The following DHX37 variants were observed in gnomAD, a reference collection of about 807,000 sequenced individuals.
The protein encoded by DHX37 is probable ATP-dependent RNA helicase DHX37.
In DHX37, 52 loss-of-function variants were observed where a neutral mutation model predicts 134.3. The ratio of observed to expected loss-of-function variants is 0.39; its 90% confidence interval spans 0.31 to 0.49. The LOEUF (loss-of-function observed/expected upper bound fraction) is 0.49. DHX37 is among the 20% of genes least tolerant of loss of function. DHX37 has a pLI of 0.93. For missense variants in DHX37, 1,344 were observed against 1,580.8 expected (o/e 0.85, Z 2.54); for synonymous variants, 634 against 670.7 (o/e 0.95, Z 0.85).
intron 2 of DHX37, among the ~76,000 whole-genome samples, chr12:124,984,308 G>T (rs1954821670): frequency 6.6e-6 from 1 of 152,212 alleles, no homozygotes; most frequent in Non-Finnish European, 1.5e-5. Flanking sequence ...CGAGGCAGGT[G>T]GGTCACTTCA....
At chr12:124,979,623 T>C (rs951997784) in intron 4 of DHX37, among the ~76,000 whole-genome samples, 1 of 152,132 alleles carries the variant, frequency 6.6e-6, no homozygotes, top group Admixed American at 6.5e-5. Flanking sequence ...AAACCTACGG[T>C]ATGTATTGCT....
intron 20 of DHX37, 99 bp from the exon 21 acceptor site, chr12:124,952,669 C>A: frequency 1.6e-6 from 2 of 1,283,222 alleles, no homozygotes; most frequent in East Asian, 5.7e-5. Flanking sequence ...GTGCTCTAGC[C>A]TCAGCCACCT....
In DHX37 at chr12:124,982,637, C is replaced by G. The variant is rs375527381; in HGVS notation, c.277-14G>C. 5.5e-5 allele frequency: 88 copies of G among 1,611,848 alleles called. No homozygotes were observed. The African/African-American group carries it at 1.0e-3, about 19-fold the overall frequency. ...CATCTCTGCTCGCTGGGAAAGGAAA[C>G]GAGTGTATTATGCATTTGCCATCAC... On this transcript the variant is annotated splice_polypyrimidine_tract_variant and intron_variant, in intron 2 of 26. Transcript: ENST00000308736.
chr12:124,975,459 T>A lies in DHX37; in HGVS notation c.940A>T (p.Met314Leu). 6.2e-7 allele frequency: 1 copy of A among 1,612,978 alleles called. No homozygotes were observed. Among genetic ancestry groups the A allele is most frequent in the Non-Finnish European group, 8.5e-7 (1 of 1,179,998 alleles). The change falls in exon 6 of 27, where the codon ATG (methionine) becomes TTG (leucine). Residue 314 changes from methionine to leucine, a missense_variant. By Grantham distance (15) the Met-to-Leu change is conservative (BLOSUM62 2). Around this residue, in one of 7 missense-constraint regions of DHX37, gnomAD observed 32 missense variants for 28.9 expected, o/e 1.11. Coordinates refer to ENST00000308736, the MANE Select transcript of DHX37 (RefSeq NM_032656.4). ...ATCTCCTTGGCCACTCGCTGGGACA[T>A]GGCCACGGCGGCCACTCGGCGGGGC... ...TEPRRVAAVA[M>L]SQRVAKEMNL... is the part of the protein sequence containing the mutation.
chr12:124,982,723 A>T, intron 2 of DHX37, 100 bp from the exon 3 acceptor site: 1 of 1,495,490 alleles, frequency 6.7e-7, no homozygotes, highest in Admixed American at 2.0e-5. Context: ...TAACACCTGG[A>T]GTCTTTAAAA....
intron 15 of DHX37, among the ~76,000 whole-genome samples, chr12:124,962,862 G>A (rs1303315700): frequency 6.6e-6 from 1 of 152,100 alleles, no homozygotes; most frequent in Admixed American, 6.6e-5. Context: ...AAAAAGTGCT[G>A]GTGAGGACGT....
chr12:124,965,713 C>T lies in DHX37; in HGVS notation c.1690G>A (p.Asp564Asn), dbSNP rs549815821. 1.2e-6 allele frequency: 2 copies of T among 1,613,980 alleles called. No homozygotes were observed. The highest frequency in any genetic ancestry group is 4.5e-5 in the East Asian group (2 of 44,882). Residue 564 changes from aspartate (D) to asparagine (N), a missense_variant, in exon 13 of 27, where the codon GAC becomes AAC. Asp to Asn is a conservative substitution (Grantham distance 23). Transcript: ENST00000308736. ...AEVDEEEGAL[D>N]SDLDLDLGDG... ...CCCAGGTCCAGATCGAGGTCGGAGT[C>T]CAGGGCCCCCTCTTCCTCATCCACT...
intron 4 of DHX37, 135 bp from the exon 5 acceptor site, chr12:124,977,625 G>A (rs1178147320): frequency 9.5e-7 from 1 of 1,054,872 alleles, no homozygotes; most frequent in Non-Finnish European, 1.3e-6. Context: ...GACAGCTGGG[G>A]AGGGGACCAG....
Position 124,957,022 on chromosome 12 carries a change from G to A in DHX37, c.2264+7C>T. On this transcript the variant is annotated splice_region_variant and intron_variant, in intron 17 of 26. Coordinates refer to ENST00000308736, the MANE Select transcript of DHX37 (RefSeq NM_032656.4). ...CAGGAACTGGGCTCTGCATCTCTTGGCCTTACCTTTCTGCTTTCTGGGGCG... is the reference window on the plus strand; with the variant it reads ...CAGGAACTGGGCTCTGCATCTCTTGACCTTACCTTTCTGCTTTCTGGGGCG... The A allele has an allele frequency of 6.6e-7, 1 of 1,519,304 alleles. No individual in the cohort carries two copies. Among genetic ancestry groups the A allele is most frequent in the Non-Finnish European group, 8.8e-7 (1 of 1,136,856 alleles). 94.1% of individuals were successfully genotyped at this position (1,519,304 alleles called of 1,614,324 possible). A position where few individuals can be genotyped will look rare whatever the true frequency, so the allele number is the denominator to read the frequency against.
chr12:124,977,931 T>C (rs765034939), intron 4 of DHX37, among the ~76,000 whole-genome samples: 2 of 152,190 alleles, frequency 1.3e-5, no homozygotes, highest in Non-Finnish European at 2.9e-5. Context: ...TTTTATATCA[T>C]GACTCAGTAC....
intron 18 of DHX37, 39 bp from the exon 19 acceptor site, chr12:124,954,250 G>A (rs758851392): frequency 3.2e-5 from 49 of 1,529,242 alleles, no homozygotes; most frequent in Non-Finnish European, 2.4e-5. Flanking sequence ...CTGGGGCCTC[G>A]GCTGCGCTCA....
Position 124,980,405 on chromosome 12 carries a change from C to A in DHX37, c.738+85G>T. ...GACATGGAGGCACAGAGAAGGGATG[C>A]CCTTGCCCCACTTCACCAGGACGCC... On this transcript the variant is annotated intron_variant, in intron 4 of 26. Coordinates refer to ENST00000308736, the MANE Select transcript of DHX37 (RefSeq NM_032656.4). This position sits in a 1 kb window ranked among gnomAD's most constrained non-coding sequence, Gnocchi z 5.3. 1.4e-6 allele frequency: 2 copies of A among 1,434,692 alleles called. No homozygotes were observed. The highest frequency in any genetic ancestry group is 1.3e-5 in the South Asian group (1 of 78,576). 88.9% of individuals were successfully genotyped at this position (1,434,692 alleles called of 1,614,324 possible).
intron 13 of DHX37, 85 bp downstream of exon 13, chr12:124,965,583 G>C: frequency 6.8e-7 from 1 of 1,464,310 alleles, no homozygotes; most frequent in Non-Finnish European, 9.0e-7. Context: ...TAGAACCCCG[G>C]CCCCCGGGGG....
intron 15 of DHX37, among the ~76,000 whole-genome samples, chr12:124,961,218 GCACA>G (rs1566332153): frequency 8.9e-6 from 1 of 112,064 alleles, no homozygotes; most frequent in Non-Finnish European, 1.9e-5. Context: ...GTGCACGCAC[GCACA>G]CGCACGCACA....
In DHX37 at chr12:124,971,423, G is replaced by A. The variant is rs1034892323; in HGVS notation, c.1078-8C>T. 8 of 1,612,480 alleles carry A rather than the reference G, an allele frequency of 5.0e-6. No homozygotes were observed. Among genetic ancestry groups the A allele is most frequent in the Non-Finnish European group, 5.9e-6 (7 of 1,179,734 alleles). On this transcript the variant is annotated splice_region_variant and splice_polypyrimidine_tract_variant and intron_variant, in intron 7 of 26. Coordinates refer to ENST00000308736, the MANE Select transcript of DHX37 (RefSeq NM_032656.4). ...CCGCAGCAGCAGGAAGTCCTGGGGG[G>A]AGGTCCGGGGTGAGGCCCACCCTTC...
At chr12:124,967,052 A>G (rs1225522912) in intron 11 of DHX37, 71 bp downstream of exon 11, 3 of 1,567,520 alleles carry the variant, frequency 1.9e-6, no homozygotes, top group Non-Finnish European at 2.6e-6. Flanking sequence ...CAGGAGCTGC[A>G]CCCCAGCCAG....
chr12:124,969,223 G>A (rs930779690), intron 8 of DHX37, among the ~76,000 whole-genome samples: 1 of 152,172 alleles, frequency 6.6e-6, no homozygotes. Flanking sequence ...GGCTGAGACT[G>A]GGGCCCACCC....
rs779437822 is a variant in DHX37, at chr12:124,971,358, C to T, written c.1135G>A (p.Val379Met). The T allele has an allele frequency of 1.5e-5, 24 of 1,613,328 alleles. No homozygotes were observed. Among genetic ancestry groups the T allele is most frequent in the East Asian group, 2.2e-5 (1 of 44,898 alleles). Residue 379 changes from valine (V) to methionine (M), a missense_variant, in exon 8 of 27, where the codon GTG (valine) becomes ATG (methionine). This residue lies in a region of DHX37 where 30 missense variants were observed against 72.5 expected (regional missense o/e 0.41). Transcript: ENST00000308736. ...AGGCCGATGAGGATGTCCGTGTACA[C>T]GCTCCTCTCGTGGGCCTCGTCGATG... ...VIIDEAHERS[V>M]YTDILIGLLS...
intron 25 of DHX37, chr12:124,948,748 TCAAACAAACAAGCAAA>T (rs1463418019): frequency 1.9e-4 from 9 of 46,506 alleles, no homozygotes; most frequent in Admixed American, 3.7e-4. Flanking sequence ...AAACTCTGTC[TCAAACAAACAAGCAAA>T]CAAACAAAAC....
Sources: allele counts gnomAD v4.1 joint callset (sites outside exome capture counted in the v4.1 genomes callset), GRCh38; gene constraint gnomAD v4.1.1; regional missense constraint gnomAD v4.1.1; non-coding constraint Gnocchi (gnomAD v3.1); transcripts MANE v1.5; gene names NCBI Gene and HGNC (gene_info 2026-07-23, HGNC 2026-07-21).